The following ZMIZ1 variants were observed in gnomAD, a reference collection of about 807,000 sequenced individuals.
ZMIZ1 encodes zinc finger MIZ-type containing 1.
A neutral mutation model predicts 113.9 loss-of-function variants in ZMIZ1; 17 were observed. That is an observed-to-expected ratio of 0.15 (90% CI 0.10 to 0.22). ZMIZ1 has a LOEUF of 0.22. Among genes scored for constraint, ZMIZ1 ranks in the 10% least tolerant of loss-of-function variants. The pLI, the probability that ZMIZ1 is intolerant of heterozygous loss-of-function variation, is 1.00. For synonymous variants in ZMIZ1, 607 were observed against 603.1 expected (o/e 1.01, Z -0.09); for missense variants, 1,059 against 1,477.8 (o/e 0.72, Z 4.65).
chr10:79,236,857 A>G (rs531425328), intron 7 of ZMIZ1, among the ~76,000 whole-genome samples: 15 of 152,384 alleles, frequency 9.8e-5, no homozygotes, highest in African/African-American at 3.1e-4. Flanking sequence ...GATACTGTCA[A>G]TATAACACAT....
intron 6 of ZMIZ1, among the ~76,000 whole-genome samples, chr10:79,212,254 C>T (rs1445156205): frequency 2.0e-5 from 3 of 152,050 alleles, no homozygotes; most frequent in African/African-American, 7.2e-5. Flanking sequence ...ACCTCCTGGG[C>T]TTAAGCGATC....
intron 3 of ZMIZ1, among the ~76,000 whole-genome samples, chr10:79,149,744 A>G (rs1291594023): frequency 6.6e-6 from 1 of 152,152 alleles, no homozygotes; most frequent in Non-Finnish European, 1.5e-5. Context: ...CGAAGCCTGA[A>G]CTTGGCCTTG....
At chr10:79,108,792 A>G (rs1843641030) in intron 1 of ZMIZ1, among the ~76,000 whole-genome samples, 1 of 152,098 alleles carries the variant, frequency 6.6e-6, no homozygotes, top group Non-Finnish European at 1.5e-5. Flanking sequence ...GGACGGGCCT[A>G]ACTACATCAG....
In ZMIZ1 at chr10:79,133,525, A is replaced by G. The variant is rs578031831; in HGVS notation, c.-226-6157A>G. On this transcript the variant is annotated intron_variant, in intron 2 of 24. Transcript: ENST00000334512. ...ACCAGGGAAGAGAAAGAGACAGACA[A>G]GAGTATAAAAACAGCTGCTCCCAGC... 9.6e-4 allele frequency among the ~76,000 whole-genome samples: 147 copies of G among 152,346 alleles called. 1 individual carries two copies. The highest frequency in any genetic ancestry group is 3.3e-3 in the African/African-American group (136 of 41,576).
chr10:79,307,481 G>A lies in ZMIZ1; in HGVS notation c.2745G>A (p.Met915Ile). ...GAGGGACATCCATGAATGACTTCAT[G>A]CACGGGCCCCCCCAGCTCTCCCACC... ...NPGGTSMNDF[M>I]HGPPQLSHPP... The change falls in exon 23 of 25, where the codon ATG becomes ATA. Residue 915 changes from methionine (M) to isoleucine (I), a missense_variant. Met to Ile is a conservative substitution (Grantham distance 10, BLOSUM62 1). Around this residue, in one of 6 missense-constraint regions of ZMIZ1, gnomAD observed 225 missense variants for 276.0 expected, o/e 0.82. Transcript: ENST00000334512. 6.2e-7 allele frequency: 1 copy of A among 1,610,858 alleles called. No homozygotes were observed. Among genetic ancestry groups the A allele is most frequent in the Non-Finnish European group, 8.5e-7 (1 of 1,178,080 alleles).
chr10:79,140,557 C>A (rs535958865), intron 3 of ZMIZ1, among the ~76,000 whole-genome samples: 1 of 152,266 alleles, frequency 6.6e-6, no homozygotes, highest in South Asian at 2.1e-4. Flanking sequence ...TCCATCCATC[C>A]ATCATCCATC....
intron 2 of ZMIZ1, among the ~76,000 whole-genome samples, chr10:79,123,563 T>C (rs892272040): frequency 1.3e-5 from 2 of 152,022 alleles, no homozygotes; most frequent in Admixed American, 1.3e-4. Flanking sequence ...CTGAGCAGCA[T>C]GGTTGTGCGG....
At chr10:79,270,450 C>T (rs1001398308) in intron 7 of ZMIZ1, among the ~76,000 whole-genome samples, 8 of 152,192 alleles carry the variant, frequency 5.3e-5, no homozygotes, top group African/African-American at 1.7e-4. Context: ...TTAGACATAT[C>T]CACTGGGTCC....
At chr10:79,170,181 C>A (rs1846541861) in intron 4 of ZMIZ1, among the ~76,000 whole-genome samples, 1 of 152,202 alleles carries the variant, frequency 6.6e-6, no homozygotes, top group Admixed American at 6.5e-5. Flanking sequence ...TACCTGTGAT[C>A]TGGCCAATCT....
intron 4 of ZMIZ1, among the ~76,000 whole-genome samples, chr10:79,163,868 C>T (rs1302712517): frequency 2.0e-5 from 3 of 152,184 alleles, no homozygotes; most frequent in Admixed American, 1.3e-4. Flanking sequence ...TAGGGGAACC[C>T]CCTGCTAATT....
intron 6 of ZMIZ1, among the ~76,000 whole-genome samples, chr10:79,212,512 A>G (rs1848566310): frequency 6.6e-6 from 1 of 152,132 alleles, no homozygotes; most frequent in Non-Finnish European, 1.5e-5. Flanking sequence ...ATGGTGGCTC[A>G]TGCCTATAAT....
intron 1 of ZMIZ1, among the ~76,000 whole-genome samples, chr10:79,100,745 A>G (rs150734313): frequency 1.3e-5 from 2 of 152,294 alleles, no homozygotes; most frequent in Admixed American, 1.3e-4. Flanking sequence ...GGTATGGGCC[A>G]AACAGTGCTG....
chr10:79,082,305 G>A (rs1053203643), intron 1 of ZMIZ1, among the ~76,000 whole-genome samples: 6 of 152,224 alleles, frequency 3.9e-5, no homozygotes, highest in African/African-American at 1.4e-4. Flanking sequence ...CTCACTTCCT[G>A]GCTTATATGG....
intron 4 of ZMIZ1, among the ~76,000 whole-genome samples, chr10:79,182,891 C>T (rs1462597463): frequency 6.6e-6 from 1 of 152,226 alleles, no homozygotes; most frequent in African/African-American, 2.4e-5. Flanking sequence ...TTTCCTCCTC[C>T]TCGGGTCTGT....
At chr10:79,303,275 G>A (rs1204232137) in intron 18 of ZMIZ1, among the ~76,000 whole-genome samples, 1 of 151,866 alleles carries the variant, frequency 6.6e-6, no homozygotes, top group Non-Finnish European at 1.5e-5. Flanking sequence ...GCCGCATAGT[G>A]AGAGCCTGTC....
At chr10:79,168,942 C>T (rs549383884) in intron 4 of ZMIZ1, among the ~76,000 whole-genome samples, 1 of 152,310 alleles carries the variant, frequency 6.6e-6, no homozygotes, top group Non-Finnish European at 1.5e-5. Flanking sequence ...GCTTTTTGCT[C>T]ACATCTGCCT....
chr10:79,237,460 C>G (rs1849638221), intron 7 of ZMIZ1, among the ~76,000 whole-genome samples: 1 of 152,172 alleles, frequency 6.6e-6, no homozygotes, highest in Admixed American at 6.5e-5. Flanking sequence ...TTCTGGAGAC[C>G]TAAAAGCCCA....
At chr10:79,215,435 G>A (rs1253886804) in intron 6 of ZMIZ1, among the ~76,000 whole-genome samples, 2 of 152,076 alleles carry the variant, frequency 1.3e-5, no homozygotes, top group South Asian at 4.1e-4. Flanking sequence ...GAATTGCTGG[G>A]ATTACAGGCG....
chr10:79,271,038 T>G (rs1292008924), intron 7 of ZMIZ1, among the ~76,000 whole-genome samples: 1 of 152,186 alleles, frequency 6.6e-6, no homozygotes, highest in Non-Finnish European at 1.5e-5. Flanking sequence ...GCTTCCTGCA[T>G]CTCAGAGCAG....
Sources: gnomAD v4.1 joint callset for allele counts (sites outside exome capture counted in the v4.1 genomes callset) on GRCh38, gnomAD v4.1.1 for gene constraint, gnomAD v4.1.1 regional missense constraint, MANE v1.5 for transcripts, NCBI Gene and HGNC (gene_info 2026-07-23, HGNC 2026-07-21) for gene names.